The following PTPRQ variants were observed in gnomAD, a reference collection of about 807,000 sequenced individuals.
The protein encoded by PTPRQ is protein tyrosine phosphatase receptor type Q, also known as phosphatidylinositol phosphatase PTPRQ.
A neutral mutation model predicts 246.0 loss-of-function variants in PTPRQ; 199 were observed. That is an observed-to-expected ratio of 0.81 (90% CI 0.72 to 0.91). The LOEUF (loss-of-function observed/expected upper bound fraction) is 0.91. PTPRQ is among the 40% of genes least tolerant of loss of function. The probability of loss-of-function intolerance (pLI) is 0.00; values close to 1 mark genes in which losing one functional copy is unlikely to be tolerated. For missense variants in PTPRQ, 2,624 were observed against 2,528.4 expected, an observed-to-expected ratio of 1.04 and a Z score of -0.81; for synonymous variants, 869 against 853.2, an observed-to-expected ratio of 1.02 and a Z score of -0.32.
intron 17 of PTPRQ, among the ~76,000 whole-genome samples, chr12:80,521,957 G>A (rs935139581): frequency 4.6e-4 from 70 of 152,164 alleles, no homozygotes; most frequent in African/African-American, 1.5e-3. Context: ...CTTGGGCAGT[G>A]TGGCCATTTT....
At chr12:80,562,627 C>G (rs1896860449) in intron 25 of PTPRQ, among the ~76,000 whole-genome samples, 1 of 151,804 alleles carries the variant, frequency 6.6e-6, no homozygotes, top group East Asian at 1.9e-4. Context: ...TTGTGAGACT[C>G]AGTGAAAAGA....
chr12:80,463,907 A>G (rs1893299978), intron 6 of PTPRQ, among the ~76,000 whole-genome samples: 1 of 151,938 alleles, frequency 6.6e-6, no homozygotes, highest in African/African-American at 2.4e-5. Context: ...CAGCCGCTGC[A>G]AAATCATGCC....
intron 41 of PTPRQ, among the ~76,000 whole-genome samples, chr12:80,670,043 G>A (rs539290620): frequency 1.6e-4 from 25 of 151,932 alleles, no homozygotes; most frequent in Non-Finnish European, 2.8e-4. Context: ...TAAGTTTTGG[G>A]TCAAAAGTGT....
chr12:80,465,764 A>T (rs1893379672), intron 6 of PTPRQ, among the ~76,000 whole-genome samples: 1 of 152,312 alleles, frequency 6.6e-6, no homozygotes, highest in South Asian at 2.1e-4. Context: ...CCACATGATT[A>T]TCTCAATAGA....
intron 17 of PTPRQ, among the ~76,000 whole-genome samples, chr12:80,520,407 C>T (rs1469687567): frequency 3.3e-5 from 5 of 152,158 alleles, no homozygotes; most frequent in East Asian, 1.9e-4. Context: ...ATGTGCACAA[C>T]GTGCAGGTTT....
intron 17 of PTPRQ, among the ~76,000 whole-genome samples, chr12:80,515,595 T>G (rs987026940): frequency 8.6e-5 from 13 of 151,878 alleles, no homozygotes; most frequent in Admixed American, 7.9e-4. Context: ...TAATTTATTT[T>G]TATTTCTTTT....
Position 80,542,125 on chromosome 12 carries a change from A to G in PTPRQ, c.3482A>G (p.Asn1161Ser). The G allele has an allele frequency of 6.5e-7, 1 of 1,549,802 alleles. No homozygotes were observed. The highest frequency in any genetic ancestry group is 1.2e-5 in the South Asian group (1 of 83,332). The part of the protein sequence containing the change: ...ETSPIINTFK[N>S]LSSTSVLLSW... ...TCACCAATAATCAACACTTTTAAAA[A>G]CCTTTCCTCTACCTCAGTTCTCTTA... is the stretch of plus-strand genomic sequence containing the variant. The change falls in exon 22 of 45, where the codon AAC (asparagine) becomes AGC (serine). Residue 1161 changes from asparagine to serine, a missense_variant. Transcript: ENST00000644991.
chr12:80,561,152 T>A (rs1327768550), intron 25 of PTPRQ: 2 of 152,216 alleles, frequency 1.3e-5, no homozygotes, highest in Non-Finnish European at 2.9e-5. Context: ...TTCTTGGTCC[T>A]TTGAGAAACA....
At chr12:80,620,960 C>T (rs74465650) in intron 32 of PTPRQ, among the ~76,000 whole-genome samples, 2,402 of 151,872 alleles carry the variant, frequency 0.016, 67 homozygotes, top group African/African-American at 0.054. Context: ...AATTGATTAT[C>T]TTCCTTTTGA....
At chr12:80,522,875 C>G (rs2120762632) in intron 17 of PTPRQ, among the ~76,000 whole-genome samples, 1 of 152,254 alleles carries the variant, frequency 6.6e-6, no homozygotes, top group Non-Finnish European at 1.5e-5. Flanking sequence ...ATGCTGGCAT[C>G]ATAAAATGAG....
In PTPRQ at chr12:80,454,496, A is replaced by C. The variant is rs145543871; in HGVS notation, c.391-3079A>C. The C allele has an allele frequency of 3.5e-4, 246 of 702,358 alleles. No individual in the cohort carries two copies. The African/African-American group carries it at 3.8e-3, about 11-fold the overall frequency. 43.5% of individuals were successfully genotyped at this position (702,358 alleles called of 1,614,324 possible). On this transcript the variant is annotated intron_variant, in intron 3 of 44. Transcript: ENST00000644991. The stretch of plus-strand genomic sequence containing the variant: ...CTTGATCGCTCTGGCTAGGCCTTCC[A>C]GTACTGTGTTCAATAGGATTGGTGA...
chr12:80,669,867 A>C (rs1001536616), intron 41 of PTPRQ, among the ~76,000 whole-genome samples: 1 of 152,068 alleles, frequency 6.6e-6, no homozygotes, highest in African/African-American at 2.4e-5. Flanking sequence ...CCAGATAGAA[A>C]AGGTAGTATG....
chr12:80,655,441 A>G (rs888497632), intron 38 of PTPRQ, among the ~76,000 whole-genome samples: 3 of 152,154 alleles, frequency 2.0e-5, no homozygotes, highest in African/African-American at 7.2e-5. Flanking sequence ...CTGGGTGAAT[A>G]AGGTTAATTC....
At chr12:80,634,767 C>G in intron 34 of PTPRQ, 178 bp from the exon 35 acceptor site, 3 of 868,186 alleles carry the variant, frequency 3.5e-6, no homozygotes, top group Non-Finnish European at 4.9e-6. Flanking sequence ...AGAATAGGTT[C>G]TATGGAATTA....
At chr12:80,447,411 T>C (rs1892587010) in intron 3 of PTPRQ, among the ~76,000 whole-genome samples, 1 of 152,198 alleles carries the variant, frequency 6.6e-6, no homozygotes, top group East Asian at 1.9e-4. Context: ...CTAAGTCCCA[T>C]TTAAGTCTAT....
chr12:80,510,917 G>A (rs1188813804), intron 17 of PTPRQ, among the ~76,000 whole-genome samples: 1 of 152,096 alleles, frequency 6.6e-6, no homozygotes, highest in African/African-American at 2.4e-5. Flanking sequence ...CTGTTACCCT[G>A]ATTGCCTGTT....
chr12:80,617,441 A>T (rs1194214022), intron 30 of PTPRQ, among the ~76,000 whole-genome samples: 1 of 151,462 alleles, frequency 6.6e-6, no homozygotes, highest in Non-Finnish European at 1.5e-5. Flanking sequence ...ACAAATGCAT[A>T]AGGTCTTTAA....
intron 25 of PTPRQ, among the ~76,000 whole-genome samples, chr12:80,587,088 T>C (rs1373098916): frequency 6.6e-6 from 1 of 152,158 alleles, no homozygotes; most frequent in East Asian, 1.9e-4. Context: ...GAATGTAAAT[T>C]TTCAGGGGCA....
chr12:80,522,964 T>C (rs1895553057), intron 17 of PTPRQ, among the ~76,000 whole-genome samples: 1 of 152,224 alleles, frequency 6.6e-6, no homozygotes, highest in African/African-American at 2.4e-5. Flanking sequence ...GTACCTCTGG[T>C]AGAATTCGGC....
Sources: allele counts gnomAD v4.1 joint callset (sites outside exome capture counted in the v4.1 genomes callset), GRCh38; gene constraint gnomAD v4.1.1; transcripts MANE v1.5; gene names NCBI Gene and HGNC (gene_info 2026-07-23, HGNC 2026-07-21).